TNN: variants seen among roughly 807,000 people sequenced by gnomAD.
TNN encodes tenascin-N.
Under a neutral mutation model 134.4 loss-of-function variants are expected in TNN, and 122 were observed. The ratio of observed to expected loss-of-function variants is 0.91; its 90% confidence interval spans 0.78 to 1.06. The LOEUF (loss-of-function observed/expected upper bound fraction) is 1.06, where lower values mean the gene tolerates loss of function less well. Ranked by LOEUF, TNN falls within the 50% of genes least tolerant of loss-of-function variation. The probability of loss-of-function intolerance (pLI) is 0.00; values close to 1 mark genes in which losing one functional copy is unlikely to be tolerated. For synonymous variants in TNN, 710 were observed against 670.3 expected, an observed-to-expected ratio of 1.06 and a Z score of -0.91; for missense variants, 1,739 against 1,699.4, an observed-to-expected ratio of 1.02 and a Z score of -0.41.
chr1:175,123,339 G>A, intron 11 of TNN, 61 bp from the exon 12 acceptor site: 2 of 1,564,594 alleles, frequency 1.3e-6, no homozygotes, highest in Admixed American at 1.8e-5. Flanking sequence ...GTGATGAGGT[G>A]GTAAGATGCG....
chr1:175,074,420 C>T (rs1054701986), intron 1 of TNN, among the ~76,000 whole-genome samples: 23 of 144,574 alleles, frequency 1.6e-4, no homozygotes, highest in Admixed American at 9.5e-4. Flanking sequence ...AGGAGGTGGA[C>T]ATTGCAGTGA....
At chr1:175,123,777 C>G in intron 12 of TNN, 114 bp downstream of exon 12, 1 of 1,479,872 alleles carries the variant, frequency 6.8e-7, no homozygotes, top group African/African-American at 1.4e-5. Flanking sequence ...CGAGGACATT[C>G]TTCAAAGTGG....
intron 2 of TNN, among the ~76,000 whole-genome samples, chr1:175,078,801 A>T (rs1161504233): frequency 1.3e-5 from 2 of 152,176 alleles, no homozygotes; most frequent in Non-Finnish European, 2.9e-5. Flanking sequence ...CATAGTTGAG[A>T]GTAGGCTATT....
chr1:175,084,047 G>A (rs2149428615), intron 5 of TNN, 112 bp downstream of exon 5: 7 of 1,123,286 alleles, frequency 6.2e-6, no homozygotes, highest in Middle Eastern at 2.2e-4. Context: ...ACAGCCCAGG[G>A]GCCTTAGGAA....
At chr1:175,102,137 T>C (rs1387367035) in intron 9 of TNN, among the ~76,000 whole-genome samples, 2 of 145,352 alleles carry the variant, frequency 1.4e-5, no homozygotes, top group African/African-American at 2.5e-5. Flanking sequence ...CTCACAAACC[T>C]TGAGCTAGAC....
intron 1 of TNN, among the ~76,000 whole-genome samples, chr1:175,072,699 CTCA>C (rs1558344905): frequency 2.0e-5 from 3 of 152,164 alleles, no homozygotes; most frequent in Non-Finnish European, 4.4e-5. Context: ...TTCCCTTGCT[CTCA>C]TCTTCTTTCG....
intron 9 of TNN, among the ~76,000 whole-genome samples, chr1:175,100,593 A>G (rs549871079): frequency 6.6e-6 from 1 of 152,240 alleles, no homozygotes; most frequent in Admixed American, 6.5e-5. Context: ...GTAGATATCC[A>G]TTTTCTTGGG....
At position 175,094,333 on chromosome 1, in the gene TNN, A is replaced by G. The variant is rs1300601092; in HGVS notation, c.1588+80A>G. ...TTTTTGAATCAGGAGGTCATTGCTC[A>G]CCTGGCATCAGCTCTTTTGTTTGCA... On this transcript the variant is annotated intron_variant, in intron 7 of 18. Transcript: ENST00000239462. 3 of 1,375,250 alleles carry G rather than the reference A, an allele frequency of 2.2e-6. No individual in the cohort carries two copies. The African/African-American group carries it at 4.3e-5, about 20-fold the overall frequency. The allele number at this position is 1,375,250 out of a possible 1,614,324, so 85.2% of individuals were successfully genotyped here.
chr1:175,094,302 G>A (rs766289817), intron 7 of TNN, 49 bp downstream of exon 7: 3 of 1,461,594 alleles, frequency 2.1e-6, no homozygotes, highest in Admixed American at 4.5e-5. Flanking sequence ...GCAGGGAGAA[G>A]GTTGATTTTT....
intron 6 of TNN, among the ~76,000 whole-genome samples, chr1:175,088,019 G>A (rs541623870): frequency 2.0e-5 from 3 of 152,308 alleles, no homozygotes; most frequent in African/African-American, 4.8e-5. Context: ...GCCTCTGTGG[G>A]TGTGCCACCC....
chr1:175,119,382 C>T (rs914216111), intron 11 of TNN, among the ~76,000 whole-genome samples: 8 of 152,170 alleles, frequency 5.3e-5, no homozygotes, highest in South Asian at 2.1e-4. Flanking sequence ...TTGCCATCTT[C>T]GTTTTGGTGG....
At chr1:175,141,241 T>C (rs1675938659) in intron 17 of TNN, among the ~76,000 whole-genome samples, 1 of 152,238 alleles carries the variant, frequency 6.6e-6, no homozygotes, top group Non-Finnish European at 1.5e-5. Flanking sequence ...ACCATTAAGA[T>C]GTTATTCATC....
chr1:175,127,077 A>C lies in TNN; in HGVS notation c.3037A>C (p.Thr1013Pro). Residue 1013 changes from threonine (T) to proline (P), a missense_variant, in exon 13 of 19, where the codon ACA becomes CCA. Thr to Pro is a conservative substitution (Grantham distance 38). Coordinates refer to ENST00000239462, the MANE Select transcript of TNN (RefSeq NM_022093.2). ...YILTYQFPDG[T>P]VKEMQLGRED... ...TCTGACTTACCAGTTCCCAGATGGC[A>C]CAGTTAAGGTACGGGGATTCCTTGT... 1 of 1,613,744 alleles carries C rather than the reference A, an allele frequency of 6.2e-7. No individual in the cohort carries two copies.
At chr1:175,080,954 A>G (rs1208287944) in intron 4 of TNN, among the ~76,000 whole-genome samples, 1 of 152,240 alleles carries the variant, frequency 6.6e-6, no homozygotes, top group East Asian at 1.9e-4. Flanking sequence ...CTGAAGGGGC[A>G]AGGGATAGAT....
intron 17 of TNN, among the ~76,000 whole-genome samples, chr1:175,142,807 G>A (rs1010587071): frequency 3.3e-5 from 5 of 151,924 alleles, no homozygotes; most frequent in African/African-American, 7.3e-5. Flanking sequence ...CAGTAGAGAC[G>A]GCGTTTCACC....
chr1:175,123,688 G>A (rs963465144), intron 12 of TNN, 25 bp downstream of exon 12: 4 of 1,613,320 alleles, frequency 2.5e-6, no homozygotes, highest in Admixed American at 3.3e-5. Context: ...CAGGCCAGGG[G>A]AACACCTCAC....
chr1:175,125,490 T>C (rs1320808995), intron 12 of TNN, among the ~76,000 whole-genome samples: 1 of 152,142 alleles, frequency 6.6e-6, no homozygotes, highest in Non-Finnish European at 1.5e-5. Context: ...AGGAAGTACA[T>C]AGAAGAAGAG....
chr1:175,091,483 G>A (rs553261582), intron 6 of TNN, among the ~76,000 whole-genome samples: 35 of 152,228 alleles, frequency 2.3e-4, no homozygotes, highest in African/African-American at 8.2e-4. Flanking sequence ...GAGCTACAGA[G>A]CTGGCTGCTG....
chr1:175,099,589 AG>A (rs1292930254), intron 9 of TNN, among the ~76,000 whole-genome samples: 27 of 41,492 alleles, frequency 6.5e-4, no homozygotes, highest in African/African-American at 3.2e-3. Context: ...ATGAGGGCTC[AG>A]GAGGAGGAGA....
Sources: allele counts gnomAD v4.1 joint callset (sites outside exome capture counted in the v4.1 genomes callset), GRCh38; gene constraint gnomAD v4.1.1; transcripts MANE v1.5; gene names NCBI Gene and HGNC (gene_info 2026-07-23, HGNC 2026-07-21).